ETFA: variants seen among roughly 807,000 people sequenced by gnomAD.
ETFA encodes the protein electron transfer flavoprotein subunit alpha.
Under a neutral mutation model 46.2 loss-of-function variants are expected in ETFA, and 22 were observed. The ratio of observed to expected loss-of-function variants is 0.48; its 90% confidence interval spans 0.34 to 0.68. ETFA has a LOEUF of 0.68. Ranked by LOEUF, ETFA falls within the 30% of genes least tolerant of loss-of-function variation. The pLI is 0.01. For synonymous variants in ETFA, 131 were observed against 139.9 expected, an observed-to-expected ratio of 0.94 and a Z score of 0.45; for missense variants, 345 against 401.1, an observed-to-expected ratio of 0.86 and a Z score of 1.19.
At chr15:76,287,528 T>C (rs1190517946) in intron 5 of ETFA, among the ~76,000 whole-genome samples, 1 of 151,286 alleles carries the variant, frequency 6.6e-6, no homozygotes, top group Admixed American at 6.6e-5. Flanking sequence ...GAGAATACTA[T>C]TTTTTTTTAA....
chr15:76,279,830 T>C (rs1031804686), intron 8 of ETFA, among the ~76,000 whole-genome samples: 2 of 152,180 alleles, frequency 1.3e-5, no homozygotes, highest in Non-Finnish European at 1.5e-5. Flanking sequence ...TTTGGTCTTC[T>C]TTCTCCTTTT....
rs569213441 is a variant in ETFA, at chr15:76,271,941, C to A, written c.816+2471G>T. 5.5e-5 allele frequency among the ~76,000 whole-genome samples: 8 copies of A among 145,250 alleles called. 1 individual carries two copies. The highest frequency in any genetic ancestry group is 2.1e-4 in the African/African-American group (8 of 38,752). On this transcript the variant is annotated intron_variant, in intron 9 of 11. Coordinates refer to ENST00000557943, the MANE Select transcript of ETFA (RefSeq NM_000126.4). ...CACACACACACACACACACACACAC[C>A]CTGAGTTAATGAATCAAAATTCTCT... is the stretch of plus-strand genomic sequence containing the variant.
chr15:76,285,768 G>T (rs769723423), intron 6 of ETFA, 30 bp from the exon 7 acceptor site: 2 of 1,244,950 alleles, frequency 1.6e-6, no homozygotes, highest in East Asian at 2.3e-5. Flanking sequence ...ATAAAACAAT[G>T]ACTATGATTT....
In ETFA at chr15:76,258,189, T is replaced by G. The variant is rs185954762; in HGVS notation, c.816+16223A>C. Among the ~76,000 whole-genome samples, 218 of 151,294 alleles carry G rather than the reference T, an allele frequency of 1.4e-3. 1 individual carries two copies. The highest frequency in any genetic ancestry group is 4.9e-3 in the African/African-American group (202 of 41,322). On this transcript the variant is annotated intron_variant, in intron 9 of 11. Coordinates refer to ENST00000557943, the MANE Select transcript of ETFA (RefSeq NM_000126.4). ...GTATAATAATAAATAAATAAATAAA[T>G]AAAGATATTTTGAAATTTGGTAGCA...
chr15:76,247,883 T>C (rs2039258735), intron 9 of ETFA, among the ~76,000 whole-genome samples: 1 of 152,228 alleles, frequency 6.6e-6, no homozygotes, highest in Admixed American at 6.5e-5. Context: ...GAGGGAAAAT[T>C]ATTTGAGGTT....
intron 11 of ETFA, among the ~76,000 whole-genome samples, chr15:76,223,915 C>T (rs2038981021): frequency 6.6e-6 from 1 of 152,178 alleles, no homozygotes; most frequent in Non-Finnish European, 1.5e-5. Context: ...AACTGCTTAA[C>T]AGTTTATCTT....
intron 1 of ETFA, among the ~76,000 whole-genome samples, chr15:76,301,448 C>T (rs867582186): frequency 6.6e-5 from 10 of 152,208 alleles, no homozygotes; most frequent in African/African-American, 1.7e-4. Flanking sequence ...CAGTGGCTCA[C>T]GCCTGTAATC....
In ETFA at chr15:76,226,198, A is replaced by T. The variant is rs143887372; in HGVS notation, c.883-269T>A. The T allele has an allele frequency of 3.8e-3, 1,327 of 353,238 alleles. 21 individuals carry two copies. The highest frequency in any genetic ancestry group is 0.026 in the African/African-American group (1,222 of 47,220). 21.9% of individuals were successfully genotyped at this position (353,238 alleles called of 1,614,324 possible). A position where few individuals can be genotyped will look rare whatever the true frequency, so the allele number is the denominator to read the frequency against. ...TCTTCTTTTGACTTACAAAAAAAAT[A>T]TTTGATTTTAGGTGAAAAAGTAACA... On this transcript the variant is annotated intron_variant, in intron 10 of 11. Transcript: ENST00000557943.
At chr15:76,228,070 G>A in intron 10 of ETFA, 6 of 423,860 alleles carry the variant, frequency 1.4e-5, no homozygotes, top group South Asian at 5.2e-5. Context: ...GCTTCACGGC[G>A]ATAAGCAGAG....
chr15:76,247,369 A>AT (rs1192937408), intron 9 of ETFA, among the ~76,000 whole-genome samples: 2 of 152,112 alleles, frequency 1.3e-5, no homozygotes, highest in African/African-American at 2.4e-5. Flanking sequence ...GGAGACATAC[A>AT]TTTTTTTAGA....
intron 9 of ETFA, among the ~76,000 whole-genome samples, chr15:76,249,693 G>A (rs1189258369): frequency 5.3e-5 from 8 of 151,880 alleles, no homozygotes; most frequent in East Asian, 3.9e-4. Context: ...CGCCCGCCTC[G>A]GCCTCCCAAA....
At chr15:76,267,242 T>C (rs1025091608) in intron 9 of ETFA, among the ~76,000 whole-genome samples, 8 of 152,242 alleles carry the variant, frequency 5.3e-5, no homozygotes, top group Non-Finnish European at 1.0e-4. Flanking sequence ...GAGTGGCTTT[T>C]TCTACCTCAC....
At chr15:76,277,620 A>G (rs1308121790) in intron 8 of ETFA, among the ~76,000 whole-genome samples, 4 of 152,220 alleles carry the variant, frequency 2.6e-5, no homozygotes, top group Admixed American at 6.5e-5. Context: ...CTTCTGCCTC[A>G]GCCTCCCAAG....
chr15:76,227,680 A>G lies in ETFA; in HGVS notation c.883-1751T>C, dbSNP rs1487993775. The G allele has an allele frequency of 1.0e-5, 4 of 381,162 alleles. No homozygotes were observed. The East Asian group carries it at 2.9e-4, about 27-fold the overall frequency. The allele number at this position is 381,162 out of a possible 1,614,324, so 23.6% of individuals were successfully genotyped here. A position where few individuals can be genotyped will look rare whatever the true frequency, so the allele number is the denominator to read the frequency against. On this transcript the variant is annotated intron_variant, in intron 10 of 11. Coordinates refer to ENST00000557943, the MANE Select transcript of ETFA (RefSeq NM_000126.4). The stretch of plus-strand genomic sequence containing the variant: ...TAGATTGTGGACTAAAAATAATTCA[A>G]ATCTCTAGAAGTAAAATTAAGTTTC...
intron 11 of ETFA, among the ~76,000 whole-genome samples, chr15:76,218,498 T>C (rs2038922001): frequency 6.6e-6 from 1 of 152,216 alleles, no homozygotes; most frequent in Non-Finnish European, 1.5e-5. Context: ...CTCAACCTCC[T>C]GACCTCAGGT....
chr15:76,247,869 A>C (rs1269326886), intron 9 of ETFA, among the ~76,000 whole-genome samples: 2 of 152,252 alleles, frequency 1.3e-5, no homozygotes, highest in African/African-American at 2.4e-5. Context: ...AAGATTTTGT[A>C]ATTGAGGGAA....
chr15:76,262,228 G>GA (rs967237048), intron 9 of ETFA, among the ~76,000 whole-genome samples: 7 of 150,996 alleles, frequency 4.6e-5, no homozygotes, highest in East Asian at 1.9e-4. Flanking sequence ...ATAGAGTAGG[G>GA]AAAAAAAAGA....
At chr15:76,252,751 G>A (rs1156897215) in intron 9 of ETFA, among the ~76,000 whole-genome samples, 2 of 152,028 alleles carry the variant, frequency 1.3e-5, no homozygotes, top group African/African-American at 4.8e-5. Context: ...ATTGGGATAT[G>A]GTATATAAAT....
chr15:76,275,644 G>A (rs182765251), intron 8 of ETFA, among the ~76,000 whole-genome samples: 18 of 152,160 alleles, frequency 1.2e-4, no homozygotes, highest in Admixed American at 1.0e-3. Context: ...TATTTGTAAC[G>A]GTTTTCTATT....
Sources: allele counts gnomAD v4.1 joint callset (sites outside exome capture counted in the v4.1 genomes callset), GRCh38; gene constraint gnomAD v4.1.1; transcripts MANE v1.5; gene names NCBI Gene and HGNC (gene_info 2026-07-23, HGNC 2026-07-21).